TRIP12: variants seen among roughly 807,000 people sequenced by gnomAD.
The protein encoded by TRIP12 is thyroid hormone receptor interactor 12.
Under a neutral mutation model 244.2 loss-of-function variants are expected in TRIP12, and 25 were observed. That is an observed-to-expected ratio of 0.10 (90% CI 0.07 to 0.14). The LOEUF is 0.14. Ranked by LOEUF, TRIP12 falls within the 10% of genes least tolerant of loss-of-function variation. TRIP12 has a pLI of 1.00. For missense variants in TRIP12, 1,677 were observed against 2,486.4 expected, an observed-to-expected ratio of 0.67 and a Z score of 6.92; for synonymous variants, 905 against 873.1, an observed-to-expected ratio of 1.04 and a Z score of -0.64.
At chr2:229,922,212 T>C (rs547590159), upstream of TRIP12, 11 of 280,372 alleles carry the variant, frequency 3.9e-5, no homozygotes, top group South Asian at 6.6e-4. Flanking sequence ...CTCCGCCCGA[T>C]CCCTTCGAGG....
chr2:229,882,216 A>G (rs1054375895), intron 1 of TRIP12, among the ~76,000 whole-genome samples: 2 of 152,238 alleles, frequency 1.3e-5, no homozygotes, highest in Non-Finnish European at 2.9e-5. Context: ...TGCTCAGTAC[A>G]TGTTAAGTAT....
chr2:229,804,269 C>CA (rs2045259296), intron 18 of TRIP12, 42 bp from the exon 19 acceptor site: 1 of 1,461,462 alleles, frequency 6.8e-7, no homozygotes, highest in Non-Finnish European at 9.4e-7. Flanking sequence ...CCTGAAGTGA[C>CA]AGACTTCAGA....
At chr2:229,790,449 GA>G (rs981862775) in intron 30 of TRIP12, among the ~76,000 whole-genome samples, 1 of 136,822 alleles carries the variant, frequency 7.3e-6, no homozygotes, top group Non-Finnish European at 1.5e-5. Flanking sequence ...TTAGTTTTGT[GA>G]AAAAAAAGTG....
At chr2:229,831,261 T>C in intron 6 of TRIP12, 1 of 638,430 alleles carries the variant, frequency 1.6e-6, no homozygotes, top group Non-Finnish European at 2.8e-6. Flanking sequence ...ATGTTGTATG[T>C]AGACGTCTGC....
intron 2 of TRIP12, among the ~76,000 whole-genome samples, chr2:229,862,175 T>C (rs547183725): frequency 3.9e-5 from 6 of 152,236 alleles, no homozygotes; most frequent in Non-Finnish European, 7.4e-5. Context: ...TCCTGCCTTG[T>C]ATATATTGTG....
chr2:229,815,193 A>G lies in TRIP12; in HGVS notation c.1637T>C (p.Met546Thr). 3 of 1,610,724 alleles carry G rather than the reference A, an allele frequency of 1.9e-6. No individual in the cohort carries two copies. Among genetic ancestry groups the G allele is most frequent in the Non-Finnish European group, 2.5e-6 (3 of 1,178,924 alleles). ...TGTTAAGGCTCGACAAGCATGGTTC[A>G]TCTAGAAAAGAAGAGATTTTAATGA... ...LLQMEHNFDIMNHACRALTYM... is the reference protein window; with the variant it reads ...LLQMEHNFDITNHACRALTYM... The change falls in exon 11 of 42, where the codon ATG becomes ACG. Residue 546 changes from methionine (M) to threonine (T), a missense_variant and splice_region_variant. Around this residue, in one of 11 missense-constraint regions of TRIP12, gnomAD observed 572 missense variants for 867.8 expected, o/e 0.66. Transcript: ENST00000675903.
intron 4 of TRIP12, among the ~76,000 whole-genome samples, chr2:229,847,058 T>C (rs2057716182): frequency 6.6e-6 from 1 of 152,208 alleles, no homozygotes; most frequent in Admixed American, 6.5e-5. Flanking sequence ...ATTCATGTAT[T>C]TCTAAGTGCA....
At chr2:229,771,723 G>T in intron 38 of TRIP12, 91 bp from the exon 39 acceptor site, 1 of 866,748 alleles carries the variant, frequency 1.2e-6, no homozygotes, top group Non-Finnish European at 1.9e-6. Flanking sequence ...ACACCCTTCT[G>T]GATCACTTTA....
At chr2:229,805,117 GGA>G (rs970065827) in intron 18 of TRIP12, among the ~76,000 whole-genome samples, 1 of 151,990 alleles carries the variant, frequency 6.6e-6, no homozygotes, top group Non-Finnish European at 1.5e-5. Flanking sequence ...GTGTTAGCCA[GGA>G]TGGTCTCCAT....
intron 32 of TRIP12, 65 bp downstream of exon 32, chr2:229,788,733 C>T (rs1474355806): frequency 2.2e-5 from 34 of 1,562,848 alleles, no homozygotes; most frequent in Non-Finnish European, 2.9e-5. Context: ...GTTTCTGTAA[C>T]AAAATACATC....
chr2:229,861,238 C>T (rs568213872), intron 2 of TRIP12, among the ~76,000 whole-genome samples: 1 of 152,150 alleles, frequency 6.6e-6, no homozygotes, highest in East Asian at 1.9e-4. Flanking sequence ...ATCATATTTA[C>T]AATAAATCAA....
intron 1 of TRIP12, among the ~76,000 whole-genome samples, chr2:229,882,602 A>G (rs1379575873): frequency 2.0e-5 from 3 of 152,290 alleles, no homozygotes; most frequent in South Asian, 2.1e-4. Context: ...TCTCAATGCC[A>G]TTTCACCTGG....
intron 2 of TRIP12, among the ~76,000 whole-genome samples, chr2:229,873,399 C>A (rs899440012): frequency 6.6e-6 from 1 of 152,116 alleles, no homozygotes; most frequent in Admixed American, 6.5e-5. Flanking sequence ...ACCTAACTAT[C>A]CAAAAACTGA....
At chr2:229,905,648 T>A (rs1041694910) in intron 1 of TRIP12, among the ~76,000 whole-genome samples, 3 of 152,200 alleles carry the variant, frequency 2.0e-5, no homozygotes, top group African/African-American at 7.2e-5. Flanking sequence ...AAATTATCAC[T>A]GTCTTAAAGC....
intron 17 of TRIP12, 176 bp downstream of exon 17, chr2:229,807,532 G>T (rs1181607151): frequency 4.0e-6 from 3 of 743,630 alleles, no homozygotes; most frequent in Non-Finnish European, 6.8e-6. Context: ...ACTAGAACAT[G>T]AAGTTTTCTG....
chr2:229,812,118 T>C (rs1465767806), intron 13 of TRIP12, among the ~76,000 whole-genome samples: 1 of 152,186 alleles, frequency 6.6e-6, no homozygotes, highest in African/African-American at 2.4e-5. Context: ...AGACAGAGTT[T>C]CGCTCTTGTT....
At chr2:229,891,616 C>T (rs920113907) in intron 1 of TRIP12, among the ~76,000 whole-genome samples, 2 of 151,956 alleles carry the variant, frequency 1.3e-5, no homozygotes, top group Admixed American at 6.6e-5. Context: ...CAAAACAAAA[C>T]AAAAACACCA....
chr2:229,894,054 C>T (rs1379217078), intron 1 of TRIP12, among the ~76,000 whole-genome samples: 2 of 152,116 alleles, frequency 1.3e-5, no homozygotes, highest in African/African-American at 4.8e-5. Flanking sequence ...ACTCGGGAGG[C>T]TGAGGCAAGA....
rs1375231368 is a variant in TRIP12, at chr2:229,859,417, G to A, written c.382C>T (p.Pro128Ser). The change falls in exon 4 of 42, where the codon CCT becomes TCT. Residue 128 changes from proline (P) to serine (S), a missense_variant. By Grantham distance (74) the Pro-to-Ser change is moderately conservative. Transcript: ENST00000675903. ...ASPDYNRTNS[P>S]SSAKKPKALQ... ...GCTTTTGGTTTTTTTGCAGAGCTAG[G>A]AGAATTGGTCCTGTTGTAGTCTGGA... 1 of 1,614,152 alleles carries A rather than the reference G, an allele frequency of 6.2e-7. No homozygotes were observed. The highest frequency in any genetic ancestry group is 8.5e-7 in the Non-Finnish European group (1 of 1,180,024).
Sources: allele counts gnomAD v4.1 joint callset (sites outside exome capture counted in the v4.1 genomes callset), GRCh38; gene constraint gnomAD v4.1.1; regional missense constraint gnomAD v4.1.1; transcripts MANE v1.5; gene names NCBI Gene and HGNC (gene_info 2026-07-23, HGNC 2026-07-21).